The following GNB1L variants were observed in gnomAD, a reference collection of about 807,000 sequenced individuals.
The protein encoded by GNB1L is guanine nucleotide-binding protein subunit beta-like protein 1.
A neutral mutation model predicts 29.1 loss-of-function variants in GNB1L; 20 were observed. The ratio of observed to expected loss-of-function variants is 0.69; its 90% CI spans 0.48 to 1.00. The LOEUF (loss-of-function observed/expected upper bound fraction) is 1.00, where lower values mean the gene tolerates loss of function less well. GNB1L is among the 50% of genes least tolerant of loss of function. The pLI, the probability that GNB1L is intolerant of heterozygous loss-of-function variation, is 0.00. For missense variants in GNB1L, 421 were observed against 464.9 expected, an observed-to-expected ratio of 0.91 and a Z score of 0.87; for synonymous variants, 193 against 206.5, an observed-to-expected ratio of 0.93 and a Z score of 0.56.
intron 2 of GNB1L, chr22:19,852,356 G>T (rs905385289): frequency 3.7e-6 from 5 of 1,361,992 alleles, no homozygotes; most frequent in Admixed American, 4.2e-5. Context: ...GGACAGGGAT[G>T]GCTGAACAGG....
At chr22:19,853,530 C>T (rs1017212281) in intron 2 of GNB1L, among the ~76,000 whole-genome samples, 1 of 152,196 alleles carries the variant, frequency 6.6e-6, no homozygotes, top group East Asian at 1.9e-4. Context: ...CAAACGCCAC[C>T]GGCTCACTGG....
chr22:19,852,351 G>A lies in GNB1L; in HGVS notation c.-21+2092C>T, dbSNP rs949652903. The A allele has an allele frequency of 2.8e-6, 4 of 1,420,820 alleles. No individual in the cohort carries two copies. In the African/African-American group the frequency reaches 4.3e-5, roughly 15 times the overall value. The allele number at this position is 1,420,820 out of a possible 1,614,324, so 88.0% of individuals were successfully genotyped here. On this transcript the variant is annotated intron_variant, in intron 2 of 7. Coordinates refer to ENST00000329517, the MANE Select transcript of GNB1L (RefSeq NM_053004.3). Reference sequence around the variant, plus strand: ...GTGGCTTGCACGACACAACAGGACAGGGATGGCTGAACAGGGCGTGGCAGA... The same window carrying A: ...GTGGCTTGCACGACACAACAGGACAAGGATGGCTGAACAGGGCGTGGCAGA...
At chr22:19,847,616 C>T (rs1937990972) in intron 2 of GNB1L, 8 of 971,000 alleles carry the variant, frequency 8.2e-6, no homozygotes, top group African/African-American at 1.8e-5. Context: ...GTAGTGGTAC[C>T]GAACCATGAC....
In GNB1L at chr22:19,821,281, C is replaced by T. The variant is rs148469374; in HGVS notation, c.75G>A (p.Ala25=). Residue 25 remains alanine, a synonymous_variant, in exon 3 of 8, where the codon GCG becomes GCA. Coordinates refer to ENST00000329517, the MANE Select transcript of GNB1L (RefSeq NM_053004.3). The part of the protein sequence containing the change: ...VLRGTQSPVH[A]LHFCEGAQAQ... Reference sequence around the variant, plus strand: ...CCTGGGCTCCTTCGCAGAAGTGCAGCGCATGCACCGGTGACTGGGTGCCTC... The same window carrying T: ...CCTGGGCTCCTTCGCAGAAGTGCAGTGCATGCACCGGTGACTGGGTGCCTC... 8.3e-5 allele frequency: 134 copies of T among 1,613,392 alleles called. No individual in the cohort carries two copies. The East Asian group carries it at 1.5e-3, about 18-fold the overall frequency.
intron 2 of GNB1L, among the ~76,000 whole-genome samples, chr22:19,828,904 T>C (rs916379996): frequency 6.6e-6 from 1 of 151,850 alleles, no homozygotes; most frequent in Admixed American, 6.6e-5. Flanking sequence ...TGGTTTCGGC[T>C]CACTGCAACA....
At chr22:19,843,831 A>G (rs2145898817) in intron 2 of GNB1L, among the ~76,000 whole-genome samples, 1 of 152,276 alleles carries the variant, frequency 6.6e-6, no homozygotes, top group Admixed American at 6.5e-5. Context: ...ACAGCCACCC[A>G]TCTCCCTTCT....
rs1937524273 is a variant in GNB1L at position 19,816,407 on chromosome 22, CCT to C, written c.255-3962_255-3961del. ...GAGTCCCTGCAGGCTGGCTCAGAAT[CCT>C]CTGACGTGGCCATCTGCGAGATGTC... On this transcript the variant is annotated intron_variant, in intron 4 of 7. Coordinates refer to ENST00000329517, the MANE Select transcript of GNB1L (RefSeq NM_053004.3). This position sits in a 1 kb window ranked among gnomAD's most constrained non-coding sequence, Gnocchi z 4.4. 6.6e-6 allele frequency among the ~76,000 whole-genome samples: 1 copy of C among 152,190 alleles called. No homozygotes were observed. Among genetic ancestry groups the C allele is most frequent in the African/African-American group, 2.4e-5 (1 of 41,450 alleles).
intron 7 of GNB1L, among the ~76,000 whole-genome samples, chr22:19,797,867 C>T (rs892357857): frequency 6.6e-6 from 1 of 152,204 alleles, no homozygotes; most frequent in Non-Finnish European, 1.5e-5. Context: ...CCCCTCCCAC[C>T]GCGCACTGTA....
intron 5 of GNB1L, among the ~76,000 whole-genome samples, chr22:19,807,260 T>C (rs1455935322): frequency 6.6e-6 from 1 of 152,184 alleles, no homozygotes; most frequent in Non-Finnish European, 1.5e-5. Flanking sequence ...CCAGGTCCCC[T>C]GAACACAGGC....
rs1937198511 is a variant in GNB1L at position 19,787,151 on chromosome 22, T to C, written c.*1558A>G. The C allele has an allele frequency of 6.6e-6, 1 of 152,386 alleles. No individual in the cohort carries two copies. Among genetic ancestry groups the C allele is most frequent in the African/African-American group, 2.4e-5 (1 of 41,444 alleles). The allele number at this position is 152,386 out of a possible 1,614,324, so 9.4% of individuals were successfully genotyped here. A position where few individuals can be genotyped will look rare whatever the true frequency, so the allele number is the denominator to read the frequency against. On this transcript the variant is annotated 3_prime_UTR_variant, in exon 8 of 8. Coordinates refer to ENST00000329517, the MANE Select transcript of GNB1L (RefSeq NM_053004.3). ...GCAACCATGTTCCTCACAGTGGGGT[T>C]GGGGAGGCACGGCCTTGGGACCCCC... is the stretch of plus-strand genomic sequence containing the variant.
At chr22:19,821,565 C>T (rs1349797895) in intron 2 of GNB1L, among the ~76,000 whole-genome samples, 190 bp from the exon 3 acceptor site, 5 of 152,176 alleles carry the variant, frequency 3.3e-5, no homozygotes, top group Admixed American at 2.0e-4. Context: ...GGCACCAGTT[C>T]CCTGCACGGC....
rs1937277457 is a variant in GNB1L at position 19,793,825 on chromosome 22, A to G, written c.733-4865T>C. Among the ~76,000 whole-genome samples, 4 of 152,182 alleles carry G rather than the reference A, an allele frequency of 2.6e-5. No individual in the cohort carries two copies. The South Asian group carries it at 8.3e-4, about 31-fold the overall frequency. ...TTCTGTAAAAATGAGGGTGATAAAG[A>G]CATTTTTTAGATAAACAAAAGCTAG... On this transcript the variant is annotated intron_variant, in intron 7 of 7. Transcript: ENST00000329517.
intron 5 of GNB1L, among the ~76,000 whole-genome samples, chr22:19,812,008 A>G (rs1183913783): frequency 3.3e-5 from 5 of 152,140 alleles, no homozygotes; most frequent in Admixed American, 2.0e-4. Context: ...CTCCATGTGC[A>G]GAACTATGCT....
chr22:19,850,483 C>A lies in GNB1L; in HGVS notation c.-21+3960G>T, dbSNP rs1016478176. The A allele has an allele frequency of 1.1e-5, 11 of 1,021,412 alleles. No homozygotes were observed. The Admixed American group carries it at 6.4e-4, about 59-fold the overall frequency. The allele number at this position is 1,021,412 out of a possible 1,614,324, so 63.3% of individuals were successfully genotyped here. A position where few individuals can be genotyped will look rare whatever the true frequency, so the allele number is the denominator to read the frequency against. ...CACGATTAGAGCTACAGTGTTAACA[C>A]ACAAAGGGCGAATGCCTGCAGCTGA... On this transcript the variant is annotated intron_variant, in intron 2 of 7. Transcript: ENST00000329517.
chr22:19,799,809 A>G (rs1460556504), intron 7 of GNB1L, among the ~76,000 whole-genome samples: 1 of 152,140 alleles, frequency 6.6e-6, no homozygotes, highest in African/African-American at 2.4e-5. Context: ...TCACCTCCGA[A>G]AGCGCCCCCA....
chr22:19,788,528 G>A lies in GNB1L; in HGVS notation c.*181C>T, dbSNP rs577695750. On this transcript the variant is annotated 3_prime_UTR_variant, in exon 8 of 8. Coordinates refer to ENST00000329517, the MANE Select transcript of GNB1L (RefSeq NM_053004.3). ...GCTCTGGCTGGCCCCCAGAGTCACCGTCCTGTGATGAGGCACTCCACAAAA... is the reference window on the plus strand; with the variant it reads ...GCTCTGGCTGGCCCCCAGAGTCACCATCCTGTGATGAGGCACTCCACAAAA... 2.9e-4 allele frequency: 243 copies of A among 831,942 alleles called. 1 individual carries two copies. The African/African-American group carries it at 3.0e-3, about 10-fold the overall frequency. The allele number at this position is 831,942 out of a possible 1,614,324, so 51.5% of individuals were successfully genotyped here. A position where few individuals can be genotyped will look rare whatever the true frequency, so the allele number is the denominator to read the frequency against.
chr22:19,794,186 G>A (rs867847133), intron 7 of GNB1L, among the ~76,000 whole-genome samples: 4 of 151,986 alleles, frequency 2.6e-5, no homozygotes, highest in African/African-American at 7.3e-5. Flanking sequence ...GGGGTTTGAG[G>A]GTGCAGTGAG....
At chr22:19,811,191 T>C (rs1937496033) in intron 5 of GNB1L, among the ~76,000 whole-genome samples, 1 of 152,202 alleles carries the variant, frequency 6.6e-6, no homozygotes, top group African/African-American at 2.4e-5. Flanking sequence ...AATAAATGCC[T>C]GTTCCTATCT....
In GNB1L at chr22:19,783,378, C is replaced by T; in HGVS notation, c.*5331G>A. 2.9e-6 allele frequency: 1 copy of T among 349,706 alleles called. No individual in the cohort carries two copies. Among genetic ancestry groups the T allele is most frequent in the Non-Finnish European group, 5.6e-6 (1 of 178,178 alleles). 21.7% of individuals were successfully genotyped at this position (349,706 alleles called of 1,614,324 possible). A position where few individuals can be genotyped will look rare whatever the true frequency, so the allele number is the denominator to read the frequency against. ...GAGGTGGCAGGGGACAGATGTGCTG[C>T]TGTTCCCAGGCCACCTGCACAGCTG... is the stretch of plus-strand genomic sequence containing the variant. On this transcript the variant is annotated 3_prime_UTR_variant, in exon 8 of 8. Transcript: ENST00000329517.
Sources: gnomAD v4.1 joint callset for allele counts (sites outside exome capture counted in the v4.1 genomes callset) on GRCh38, gnomAD v4.1.1 for gene constraint, Gnocchi (gnomAD v3.1) non-coding constraint, MANE v1.5 for transcripts, NCBI Gene and HGNC (gene_info 2026-07-23, HGNC 2026-07-21) for gene names.